OSR2: variants seen among roughly 807,000 people sequenced by gnomAD.
OSR2 encodes protein odd-skipped-related 2.
A neutral mutation model predicts 22.3 loss-of-function variants in OSR2; 8 were observed. The ratio of observed to expected loss-of-function variants is 0.36; its 90% confidence interval spans 0.21 to 0.65. The LOEUF (loss-of-function observed/expected upper bound fraction) is 0.65, where lower values mean the gene tolerates loss of function less well. Ranked by LOEUF, OSR2 falls within the 30% of genes least tolerant of loss-of-function variation. The probability of loss-of-function intolerance (pLI) is 0.66; values close to 1 mark genes in which losing one functional copy is unlikely to be tolerated. For missense variants in OSR2, 311 were observed against 413.4 expected (o/e 0.75, Z 2.15); for synonymous variants, 179 against 173.8 (o/e 1.03, Z -0.23).
In OSR2 at chr8:98,948,097, A is replaced by C. The variant is rs1278199033; in HGVS notation, c.-114-742A>C. 10 of 1,348,764 alleles carry C rather than the reference A, an allele frequency of 7.4e-6. No individual in the cohort carries two copies. The highest frequency in any genetic ancestry group is 9.5e-6 in the Non-Finnish European group (10 of 1,052,804). 83.5% of individuals were successfully genotyped at this position (1,348,764 alleles called of 1,614,324 possible). A position where few individuals can be genotyped will look rare whatever the true frequency, so the allele number is the denominator to read the frequency against. On this transcript the variant is annotated intron_variant, in intron 1 of 3. Transcript: ENST00000297565. This position sits in a 1 kb window ranked among gnomAD's most constrained non-coding sequence, Gnocchi z 6.0. ...GTTGGGAGGAGAGCCCGTGGATAGG[A>C]GGAGGGGGCGATTCTAGGCCGAATC...
chr8:98,944,993 C>A (rs1158864134), intron 1 of OSR2, among the ~76,000 whole-genome samples, 170 bp downstream of exon 1: 1 of 152,224 alleles, frequency 6.6e-6, no homozygotes, highest in Non-Finnish European at 1.5e-5. Flanking sequence ...GGGTCCCTGG[C>A]ACGCGACTCC....
Position 98,951,742 on chromosome 8 carries a change from C to T in OSR2, c.*41C>T, listed in dbSNP as rs1462387355. ...GTCCCGTGCCGCCGCTGCTCCCCTC[C>T]CCAGACACCTCTCCACGTCTCCTAC... On this transcript the variant is annotated 3_prime_UTR_variant, in exon 4 of 4. Transcript: ENST00000297565. 1 of 1,571,506 alleles carries T rather than the reference C, an allele frequency of 6.4e-7. No individual in the cohort carries two copies. Among genetic ancestry groups the T allele is most frequent in the East Asian group, 2.3e-5 (1 of 42,776 alleles).
intron 2 of OSR2, 70 bp from the exon 3 acceptor site, chr8:98,950,586 A>C (rs1840754599): frequency 3.3e-6 from 3 of 917,644 alleles, no homozygotes; most frequent in Non-Finnish European, 3.3e-6. Context: ...CTTCCTTTTA[A>C]GTAATTGCTA....
rs1236733587 is a variant in OSR2, at chr8:98,948,506, G to C, written c.-114-333G>C. The C allele has an allele frequency of 2.4e-6, 3 of 1,275,180 alleles. No individual in the cohort carries two copies. The highest frequency in any genetic ancestry group is 3.1e-6 in the Non-Finnish European group (3 of 971,530). The allele number at this position is 1,275,180 out of a possible 1,614,324, so 79.0% of individuals were successfully genotyped here. A position where few individuals can be genotyped will look rare whatever the true frequency, so the allele number is the denominator to read the frequency against. The stretch of plus-strand genomic sequence containing the variant: ...GGGGAGGGTGGGCTGGGCTGGGCTG[G>C]GCTGGGCTGGGTGCTGCCCGGCTGT... On this transcript the variant is annotated intron_variant, in intron 1 of 3. Coordinates refer to ENST00000297565, the MANE Select transcript of OSR2 (RefSeq NM_001142462.3). This position sits in a 1 kb window ranked among gnomAD's most constrained non-coding sequence, Gnocchi z 6.0.
In OSR2 at chr8:98,951,496, T is replaced by C. The variant is rs1840780905; in HGVS notation, c.757-23T>C. On this transcript the variant is annotated intron_variant, in intron 3 of 3. Coordinates refer to ENST00000297565, the MANE Select transcript of OSR2 (RefSeq NM_001142462.3). ...AGTGGTGGTGTGAAGGATTAATCCT[T>C]TGCTTGCTTCACATCTGAACAGGAA... is the stretch of plus-strand genomic sequence containing the variant. 2.6e-6 allele frequency: 4 copies of C among 1,557,284 alleles called. No homozygotes were observed. The East Asian group carries it at 9.7e-5, about 38-fold the overall frequency.
At position 98,949,408 on chromosome 8, in the gene OSR2, A is replaced by T. The variant is rs1840718694; in HGVS notation, c.456A>T (p.Lys152Asn). ...GLGSPISGLS[K>N]LTPDRKPSRG... Reference sequence around the variant, plus strand: ...GTAGCCCCATCTCGGGCCTCAGTAAATTGACTCCGGACAGAAAGCCCTCTC... The same window carrying T: ...GTAGCCCCATCTCGGGCCTCAGTAATTTGACTCCGGACAGAAAGCCCTCTC... The change falls in exon 2 of 4, where the codon AAA (lysine) becomes AAT (asparagine). Residue 152 changes from lysine (K) to asparagine (N), a missense_variant. This residue lies in a region of OSR2 where 53 missense variants were observed against 59.5 expected (regional missense o/e 0.89). Transcript: ENST00000297565. This position sits in a 1 kb window ranked among gnomAD's most constrained non-coding sequence, Gnocchi z 5.9. 1.9e-6 allele frequency: 3 copies of T among 1,613,828 alleles called. No homozygotes were observed. The highest frequency in any genetic ancestry group is 2.5e-6 in the Non-Finnish European group (3 of 1,179,828).
chr8:98,949,443 T>G lies in OSR2; in HGVS notation c.491T>G (p.Leu164Trp). ...TPDRKPSRGR[L>W]PSKTKKEFIC... Reference sequence around the variant, plus strand: ...GACAGAAAGCCCTCTCGAGGAAGGTTGCCCTCCAAAACGAAAAAAGAGTTT... The same window carrying G: ...GACAGAAAGCCCTCTCGAGGAAGGTGGCCCTCCAAAACGAAAAAAGAGTTT... The change falls in exon 2 of 4, where the codon TTG becomes TGG. Residue 164 changes from leucine (L) to tryptophan (W), a missense_variant. Physicochemically the swap from Leu to Trp is moderately conservative, Grantham distance 61. This residue lies in a region of OSR2 where 53 missense variants were observed against 59.5 expected (regional missense o/e 0.89). Transcript: ENST00000297565. This position sits in a 1 kb window ranked among gnomAD's most constrained non-coding sequence, Gnocchi z 5.9. The G allele has an allele frequency of 1.2e-6, 2 of 1,614,050 alleles. No individual in the cohort carries two copies. Among genetic ancestry groups the G allele is most frequent in the Non-Finnish European group, 1.7e-6 (2 of 1,179,896 alleles).
Position 98,949,103 on chromosome 8 carries a change from A to C in OSR2, c.151A>C (p.Met51Leu). 1 of 1,613,910 alleles carries C rather than the reference A, an allele frequency of 6.2e-7. No individual in the cohort carries two copies. Among genetic ancestry groups the C allele is most frequent in the Non-Finnish European group, 8.5e-7 (1 of 1,179,866 alleles). The change falls in exon 2 of 4, where the codon ATG (methionine) becomes CTG (leucine). Residue 51 changes from methionine to leucine, a missense_variant. Physicochemically the swap from Met to Leu is conservative, Grantham distance 15. Around this residue, in one of 5 missense-constraint regions of OSR2, gnomAD observed 146 missense variants for 160.5 expected, o/e 0.91. Coordinates refer to ENST00000297565, the MANE Select transcript of OSR2 (RefSeq NM_001142462.3). This position sits in a 1 kb window ranked among gnomAD's most constrained non-coding sequence, Gnocchi z 5.9. Reference protein sequence around the residue: ...YGLSAVQTMHMNHWTLGYPNV... With the variant: ...YGLSAVQTMHLNHWTLGYPNV... The stretch of plus-strand genomic sequence containing the variant: ...TCTCAGCGCGGTACAGACCATGCAC[A>C]TGAACCACTGGACGCTGGGGTATCC...
intron 2 of OSR2, among the ~76,000 whole-genome samples, chr8:98,950,085 TCA>T (rs35324692): frequency 0.16 from 23,367 of 149,536 alleles, 2,510 homozygotes; most frequent in East Asian, 0.38. Flanking sequence ...GGTCTTGAGG[TCA>T]CCGAATTTAC....
rs1840718597 is a variant in OSR2 at position 98,949,407 on chromosome 8, A to G, written c.455A>G (p.Lys152Arg). 1 of 1,613,864 alleles carries G rather than the reference A, an allele frequency of 6.2e-7. No individual in the cohort carries two copies. The highest frequency in any genetic ancestry group is 1.3e-5 in the African/African-American group (1 of 74,950). Residue 152 changes from lysine (K) to arginine (R), a missense_variant, in exon 2 of 4, where the codon AAA becomes AGA. Around this residue, in one of 5 missense-constraint regions of OSR2, gnomAD observed 53 missense variants for 59.5 expected, o/e 0.89. Transcript: ENST00000297565. This position sits in a 1 kb window ranked among gnomAD's most constrained non-coding sequence, Gnocchi z 5.9. ...GGTAGCCCCATCTCGGGCCTCAGTA[A>G]ATTGACTCCGGACAGAAAGCCCTCT... ...GLGSPISGLS[K>R]LTPDRKPSRG...
intron 2 of OSR2, 137 bp from the exon 3 acceptor site, chr8:98,950,519 G>GAA (rs531903359): frequency 4.5e-5 from 22 of 490,410 alleles, no homozygotes; most frequent in Non-Finnish European, 6.8e-5. Context: ...AATTACACAG[G>GAA]AAAAAAAAAA....
In OSR2 at chr8:98,948,263, G is replaced by A. The variant is rs986588923; in HGVS notation, c.-114-576G>A. 1 of 1,510,230 alleles carries A rather than the reference G, an allele frequency of 6.6e-7. No homozygotes were observed. Among genetic ancestry groups the A allele is most frequent in the African/African-American group, 1.4e-5 (1 of 72,236 alleles). The allele number at this position is 1,510,230 out of a possible 1,614,324, so 93.6% of individuals were successfully genotyped here. On this transcript the variant is annotated intron_variant, in intron 1 of 3. Transcript: ENST00000297565. The surrounding 1 kb of genome is among the most constrained non-coding windows in gnomAD (Gnocchi z 6.0). ...CTCCCAGGGCCCTCTGGCCCAGGAG[G>A]ATGAAGCGCGCCGGCTTCGCTCTTG... is the stretch of plus-strand genomic sequence containing the variant.
In OSR2 at chr8:98,948,142, T is replaced by G; in HGVS notation, c.-114-697T>G. The stretch of plus-strand genomic sequence containing the variant: ...CGAATCCAGCCCCTGAGGTGTCACT[T>G]TTCTTTCCTGCGGCCCGTCACCGCT... On this transcript the variant is annotated intron_variant, in intron 1 of 3. Transcript: ENST00000297565. The surrounding 1 kb of genome is among the most constrained non-coding windows in gnomAD (Gnocchi z 6.0). 7.2e-7 allele frequency: 1 copy of G among 1,383,910 alleles called. No individual in the cohort carries two copies. Among genetic ancestry groups the G allele is most frequent in the Admixed American group, 3.4e-5 (1 of 29,258 alleles). 85.7% of individuals were successfully genotyped at this position (1,383,910 alleles called of 1,614,324 possible). A position where few individuals can be genotyped will look rare whatever the true frequency, so the allele number is the denominator to read the frequency against.
Position 98,951,525 on chromosome 8 carries a change from C to A in OSR2, c.763C>A (p.Pro255Thr), listed in dbSNP as rs1480754582. ...VHKTLHMQES[P>T]HKCPTCGRTF... ...TTGCTTCACATCTGAACAGGAATCTCCACACAAATGTCCCACATGTGGAAG... is the reference window on the plus strand; with the variant it reads ...TTGCTTCACATCTGAACAGGAATCTACACACAAATGTCCCACATGTGGAAG... Residue 255 changes from proline to threonine, a missense_variant, in exon 4 of 4, where the codon CCA becomes ACA. Physicochemically the swap from Pro to Thr is conservative, Grantham distance 38. This residue lies in a region of OSR2 where 70 missense variants were observed against 84.5 expected (regional missense o/e 0.83). Coordinates refer to ENST00000297565, the MANE Select transcript of OSR2 (RefSeq NM_001142462.3). 1.9e-6 allele frequency: 3 copies of A among 1,583,722 alleles called. No individual in the cohort carries two copies. Among genetic ancestry groups the A allele is most frequent in the East Asian group, 2.3e-5 (1 of 43,208 alleles).
Position 98,949,837 on chromosome 8 carries a change from G to A in OSR2, c.656+229G>A, listed in dbSNP as rs1840730197. Among the ~76,000 whole-genome samples, 1 of 152,138 alleles carries A rather than the reference G, an allele frequency of 6.6e-6. No individual in the cohort carries two copies. The highest frequency in any genetic ancestry group is 3.2e-3 in the Middle Eastern group (1 of 316). The stretch of plus-strand genomic sequence containing the variant: ...TGAGGGAGGGCCTTTCCTCAGTCTT[G>A]GACAGGAACAATCTGTTGGCCTTAG... On this transcript the variant is annotated intron_variant, in intron 2 of 3. Transcript: ENST00000297565. This position sits in a 1 kb window ranked among gnomAD's most constrained non-coding sequence, Gnocchi z 5.9.
At position 98,949,068 on chromosome 8, in the gene OSR2, G is replaced by A; in HGVS notation, c.116G>A (p.Gly39Asp). The A allele has an allele frequency of 6.2e-7, 1 of 1,613,894 alleles. No individual in the cohort carries two copies. The highest frequency in any genetic ancestry group is 8.5e-7 in the Non-Finnish European group (1 of 1,179,892). Residue 39 changes from glycine (G) to aspartate (D), a missense_variant, in exon 2 of 4, where the codon GGC (glycine) becomes GAC (aspartate). By Grantham distance (94) the Gly-to-Asp change is moderately conservative. Coordinates refer to ENST00000297565, the MANE Select transcript of OSR2 (RefSeq NM_001142462.3). This position sits in a 1 kb window ranked among gnomAD's most constrained non-coding sequence, Gnocchi z 5.9. ...TFPATVDHLQ[G>D]LYGLSAVQTM... Reference sequence around the variant, plus strand: ...CCGGCCACGGTGGACCACCTGCAGGGCCTGTACGGTCTCAGCGCGGTACAG... The same window carrying A: ...CCGGCCACGGTGGACCACCTGCAGGACCTGTACGGTCTCAGCGCGGTACAG...
chr8:98,950,082 A>C (rs1430339182), intron 2 of OSR2, among the ~76,000 whole-genome samples: 2 of 142,024 alleles, frequency 1.4e-5, no homozygotes, highest in Non-Finnish European at 3.1e-5. Flanking sequence ...GGAGGTCTTG[A>C]GGTCACCGAA....
rs1313915329 is a variant in OSR2, at chr8:98,948,619, C to A, written c.-114-220C>A. Reference sequence around the variant, plus strand: ...CGACTTTCTTTCCTTTGGGCACGCGCTCGCCAGTGGAGCACTTCTTGTTCT... The same window carrying A: ...CGACTTTCTTTCCTTTGGGCACGCGATCGCCAGTGGAGCACTTCTTGTTCT... On this transcript the variant is annotated intron_variant, in intron 1 of 3. Coordinates refer to ENST00000297565, the MANE Select transcript of OSR2 (RefSeq NM_001142462.3). This position sits in a 1 kb window ranked among gnomAD's most constrained non-coding sequence, Gnocchi z 6.0. 1 of 991,136 alleles carries A rather than the reference C, an allele frequency of 1.0e-6. No individual in the cohort carries two copies. Among genetic ancestry groups the A allele is most frequent in the Non-Finnish European group, 1.4e-6 (1 of 698,836 alleles). The allele number at this position is 991,136 out of a possible 1,614,324, so 61.4% of individuals were successfully genotyped here.
Position 98,949,194 on chromosome 8 carries a change from C to G in OSR2, c.242C>G (p.Ala81Gly). ...GCGGCGGCGCAGGGCCTCGTGGACGCGCGCTTCCCCTTCCCGGCCCTGCCT... is the reference window on the plus strand; with the variant it reads ...GCGGCGGCGCAGGGCCTCGTGGACGGGCGCTTCCCCTTCCCGGCCCTGCCT... ...EMAAAQGLVD[A>G]RFPFPALPFT... The change falls in exon 2 of 4, where the codon GCG (alanine) becomes GGG (glycine). Residue 81 changes from alanine to glycine, a missense_variant. This residue lies in a region of OSR2 where 146 missense variants were observed against 160.5 expected (regional missense o/e 0.91). Transcript: ENST00000297565. The surrounding 1 kb of genome is among the most constrained non-coding windows in gnomAD (Gnocchi z 5.9). 6.3e-7 allele frequency: 1 copy of G among 1,592,304 alleles called. No homozygotes were observed. Among genetic ancestry groups the G allele is most frequent in the Non-Finnish European group, 8.6e-7 (1 of 1,168,258 alleles).
Sources: allele counts gnomAD v4.1 joint callset (sites outside exome capture counted in the v4.1 genomes callset), GRCh38; gene constraint gnomAD v4.1.1; regional missense constraint gnomAD v4.1.1; non-coding constraint Gnocchi (gnomAD v3.1); transcripts MANE v1.5; gene names NCBI Gene and HGNC (gene_info 2026-07-23, HGNC 2026-07-21).